Variants in USP24 observed in about 807,000 individuals in gnomAD.
The protein encoded by USP24 is ubiquitin specific peptidase 24, also known as ubiquitin carboxyl-terminal hydrolase 24.
A neutral mutation model predicts 361.6 loss-of-function variants in USP24; 97 were observed. That is an observed-to-expected ratio of 0.27 (90% confidence interval 0.23 to 0.32). The LOEUF is 0.32. Among genes scored for constraint, USP24 ranks in the 10% least tolerant of loss-of-function variants. The probability of loss-of-function intolerance (pLI) is 1.00; values close to 1 mark genes in which losing one functional copy is unlikely to be tolerated. For synonymous variants in USP24, 1,098 were observed against 1,124.6 expected (o/e 0.98, Z 0.47); for missense variants, 2,353 against 3,165.6 (o/e 0.74, Z 6.16).
chr1:55,139,321 T>C (rs1646825219), intron 24 of USP24, among the ~76,000 whole-genome samples: 1 of 152,232 alleles, frequency 6.6e-6, no homozygotes, highest in Non-Finnish European at 1.5e-5. Context: ...ATCTGTCCAT[T>C]AATTTATCAA....
chr1:55,122,753 CG>C (rs1349597196), intron 36 of USP24, among the ~76,000 whole-genome samples: 8 of 151,938 alleles, frequency 5.3e-5, no homozygotes. Flanking sequence ...CCAGAGCAAC[CG>C]GAAGAATAGA....
chr1:55,072,988 G>A (rs1236217922), intron 64 of USP24, 127 bp from the exon 65 acceptor site: 2 of 925,256 alleles, frequency 2.2e-6, no homozygotes, highest in Non-Finnish European at 3.2e-6. Flanking sequence ...CTACTTAAAT[G>A]GGGTTCCTAG....
Position 55,097,001 on chromosome 1 carries a change from T to C in USP24, c.5887A>G (p.Ser1963Gly). The C allele has an allele frequency of 6.2e-7, 1 of 1,613,934 alleles. No homozygotes were observed. The highest frequency in any genetic ancestry group is 1.3e-5 in the African/African-American group (1 of 75,038). Reference sequence around the variant, plus strand: ...TAGTGGCCTGCGTGTGCCTGCCCACTGTGTACGATGACACCGACAAGTTCA... The same window carrying C: ...TAGTGGCCTGCGTGTGCCTGCCCACCGTGTACGATGACACCGACAAGTTCA... ...NYELVGVIVH[S>G]GQAHAGHYYS... The change falls in exon 49 of 68, where the codon AGT (serine) becomes GGT (glycine). Residue 1963 changes from serine to glycine, a missense_variant. Ser to Gly is a moderately conservative substitution (Grantham distance 56). This residue lies in a region of USP24 where 598 missense variants were observed against 761.9 expected (regional missense o/e 0.78). Transcript: ENST00000294383.
chr1:55,182,868 C>T (rs538311743), intron 1 of USP24, among the ~76,000 whole-genome samples: 1 of 152,274 alleles, frequency 6.6e-6, no homozygotes, highest in Admixed American at 6.5e-5. Context: ...GCGCATACCA[C>T]CATGTCCAGC....
At chr1:55,157,124 C>A in intron 11 of USP24, 73 bp from the exon 12 acceptor site, 2 of 1,428,664 alleles carry the variant, frequency 1.4e-6, no homozygotes, top group South Asian at 1.2e-5. Flanking sequence ...TCTATTGATT[C>A]AAAACAATAA....
intron 57 of USP24, 50 bp from the exon 58 acceptor site, chr1:55,083,414 A>C (rs1645190443): frequency 6.3e-7 from 1 of 1,588,466 alleles, no homozygotes; most frequent in Admixed American, 1.7e-5. Flanking sequence ...CCAGACAAAA[A>C]TTGGTTTTAA....
At chr1:55,141,771 C>T (rs774535209) in intron 23 of USP24, 40 bp from the exon 24 acceptor site, 2 of 1,529,412 alleles carry the variant, frequency 1.3e-6, no homozygotes, top group Non-Finnish European at 8.9e-7. Context: ...CAGGGTTTCT[C>T]AACCTGGACT....
intron 61 of USP24, among the ~76,000 whole-genome samples, chr1:55,078,021 T>C (rs1388243931): frequency 6.6e-6 from 1 of 152,192 alleles, no homozygotes; most frequent in African/African-American, 2.4e-5. Context: ...GCAAAACATA[T>C]TATAATAAGA....
intron 24 of USP24, 117 bp downstream of exon 24, chr1:55,141,499 C>T (rs1434058986): frequency 2.1e-6 from 2 of 950,668 alleles, no homozygotes; most frequent in Non-Finnish European, 3.2e-6. Flanking sequence ...TGACAGCTTG[C>T]AAAAATTATG....
intron 61 of USP24, 115 bp downstream of exon 61, chr1:55,078,423 T>G (rs1203545891): frequency 3.2e-6 from 2 of 629,272 alleles, no homozygotes; most frequent in Non-Finnish European, 5.0e-6. Context: ...CTAGAATGAT[T>G]AGGAAAAACA....
At chr1:55,188,961 T>G (rs1644209791) in intron 1 of USP24, among the ~76,000 whole-genome samples, 1 of 37,082 alleles carries the variant, frequency 2.7e-5, no homozygotes, top group African/African-American at 1.6e-4. Flanking sequence ...CAAAACTCCA[T>G]CTCAAAAAAA....
intron 39 of USP24, among the ~76,000 whole-genome samples, chr1:55,108,250 T>C (rs1645847523): frequency 6.6e-6 from 1 of 152,146 alleles, no homozygotes; most frequent in Admixed American, 6.5e-5. Context: ...AACTACTCTG[T>C]TCTTTTGTAT....
chr1:55,180,837 T>C (rs889799543), intron 1 of USP24, among the ~76,000 whole-genome samples: 1 of 152,216 alleles, frequency 6.6e-6, no homozygotes, highest in African/African-American at 2.4e-5. Context: ...CCTAAGGGCA[T>C]GGACCTTATC....
rs1645622265 is a variant in USP24 at position 55,101,069 on chromosome 1, T to C, written c.5146-105A>G. 8.2e-6 allele frequency: 11 copies of C among 1,341,874 alleles called. No individual in the cohort carries two copies. The South Asian group carries it at 1.6e-4, about 19-fold the overall frequency. The allele number at this position is 1,341,874 out of a possible 1,614,324, so 83.1% of individuals were successfully genotyped here. A position where few individuals can be genotyped will look rare whatever the true frequency, so the allele number is the denominator to read the frequency against. On this transcript the variant is annotated intron_variant, in intron 43 of 67. Coordinates refer to ENST00000294383, the MANE Select transcript of USP24 (RefSeq NM_015306.3). ...CCCACATTGCTTTTTTAGAATGTTA[T>C]GTATGTTTGGACATGGCTATAATGC...
chr1:55,090,114 T>G (rs895513939), intron 54 of USP24, among the ~76,000 whole-genome samples: 2 of 152,216 alleles, frequency 1.3e-5, no homozygotes, highest in Middle Eastern at 3.2e-3. Flanking sequence ...AATGTCCACT[T>G]TCAGAATAGC....
chr1:55,107,841 CAAAA>C (rs777328294), intron 39 of USP24, among the ~76,000 whole-genome samples: 6 of 38,246 alleles, frequency 1.6e-4, no homozygotes, highest in Non-Finnish European at 2.7e-4. Context: ...GACTCTGTCT[CAAAA>C]AAAAAAAAAA....
chr1:55,135,878 C>T (rs1262759612), intron 28 of USP24, among the ~76,000 whole-genome samples: 2 of 152,232 alleles, frequency 1.3e-5, no homozygotes, highest in East Asian at 3.9e-4. Context: ...GCTTTGTACA[C>T]CTGGAGTCCT....
In USP24 at chr1:55,171,518, C is replaced by T. The variant is rs1435528511; in HGVS notation, c.825+38G>A. 5 of 1,569,430 alleles carry T rather than the reference C, an allele frequency of 3.2e-6. No individual in the cohort carries two copies. The South Asian group carries it at 3.6e-5, about 11-fold the overall frequency. ...GCACAGAAAATCTTCTTTTTCAATA[C>T]ATTTTTCTATAAAAAGATGAAACTA... On this transcript the variant is annotated intron_variant, in intron 5 of 67. Coordinates refer to ENST00000294383, the MANE Select transcript of USP24 (RefSeq NM_015306.3).
Position 55,081,463 on chromosome 1 carries a change from G to A in USP24, c.6976-39C>T, listed in dbSNP as rs12031876. On this transcript the variant is annotated intron_variant, in intron 58 of 67. Transcript: ENST00000294383. ...AGATAAAGTGGCTGTTAGTGTTGTC[G>A]TCAGAAATAATATGAAGAGGAAGGG... The A allele has an allele frequency of 3.6e-4, 559 of 1,571,630 alleles. No individual in the cohort carries two copies. In the East Asian group the frequency reaches 8.2e-3, roughly 23 times the overall value.
Sources: allele counts gnomAD v4.1 joint callset (sites outside exome capture counted in the v4.1 genomes callset), GRCh38; gene constraint gnomAD v4.1.1; regional missense constraint gnomAD v4.1.1; transcripts MANE v1.5; gene names NCBI Gene and HGNC (gene_info 2026-07-23, HGNC 2026-07-21).